Variants in DACH2 observed in about 807,000 individuals in gnomAD.
The protein encoded by DACH2 is dachshund family transcription factor 2.
DACH2 carries 17 observed loss-of-function variants against 35.8 expected under a neutral mutation model. The observed-to-expected ratio is 0.48, with a 90% CI of 0.33 to 0.71. The LOEUF (loss-of-function observed/expected upper bound fraction) is 0.71, where lower values mean the gene tolerates loss of function less well. DACH2 is among the 30% of genes least tolerant of loss of function. The probability of loss-of-function intolerance (pLI) is 0.02; values close to 1 mark genes in which losing one functional copy is unlikely to be tolerated. For missense variants in DACH2, 469 were observed against 472.7 expected, an observed-to-expected ratio of 0.99 and a Z score of 0.07; for synonymous variants, 195 against 177.3, an observed-to-expected ratio of 1.10 and a Z score of -0.79.
chrX:86,714,481 G>T (rs1295069392), intron 5 of DACH2, 67 bp from the exon 6 acceptor site: 1 of 950,880 alleles, frequency 1.1e-6, no homozygotes, highest in African/African-American at 1.9e-5. Flanking sequence ...ATGAATTTAG[G>T]TACTTTTTAA....
At chrX:86,600,238 A>T in intron 3 of DACH2, among the ~76,000 whole-genome samples, 1 of 112,050 alleles carries the variant, frequency 8.9e-6, no homozygotes, top group East Asian at 2.8e-4. Flanking sequence ...TGCTATATGC[A>T]ATTTGGACTA....
intron 7 of DACH2, among the ~76,000 whole-genome samples, chrX:86,788,188 C>G (rs1328714522): frequency 1.8e-5 from 2 of 110,761 alleles, no homozygotes; most frequent in Non-Finnish European, 3.8e-5. Flanking sequence ...AGATCATATA[C>G]CAGTTAAACT....
intron 2 of DACH2, among the ~76,000 whole-genome samples, chrX:86,441,434 C>G (rs369459794): frequency 9.2e-6 from 1 of 108,761 alleles, no homozygotes. Context: ...CATGTTGTTG[C>G]GAATGATGGG....
At chrX:86,451,786 T>C (rs2037382443) in intron 2 of DACH2, among the ~76,000 whole-genome samples, 1 of 111,024 alleles carries the variant, frequency 9.0e-6, no homozygotes, top group South Asian at 3.8e-4. Context: ...GATCATGTCA[T>C]CTGCATACAA....
At chrX:86,225,593 T>A (rs1358098931) in intron 1 of DACH2, among the ~76,000 whole-genome samples, 1 of 110,903 alleles carries the variant, frequency 9.0e-6, no homozygotes, top group African/African-American at 3.3e-5. Flanking sequence ...AAAAAAAAAG[T>A]CTATAGCTAA....
intron 1 of DACH2, among the ~76,000 whole-genome samples, chrX:86,376,593 TGC>T (rs2035971311): frequency 9.0e-6 from 1 of 110,933 alleles, no homozygotes; most frequent in African/African-American, 3.3e-5. Flanking sequence ...ACTATAAATG[TGC>T]TAACATTATT....
At chrX:86,578,567 A>G (rs2039463575) in intron 3 of DACH2, among the ~76,000 whole-genome samples, 1 of 111,718 alleles carries the variant, frequency 9.0e-6, no homozygotes, top group Non-Finnish European at 1.9e-5. Context: ...ATTTAGCTAT[A>G]TGCACTTAAG....
intron 3 of DACH2, among the ~76,000 whole-genome samples, chrX:86,562,264 A>G (rs983966460): frequency 9.0e-6 from 1 of 110,916 alleles, no homozygotes; most frequent in Non-Finnish European, 1.9e-5. Context: ...TTTTGCCAGT[A>G]AAATTTGTTT....
At chrX:86,793,610 C>T (rs1042434286) in intron 7 of DACH2, among the ~76,000 whole-genome samples, 3 of 111,550 alleles carry the variant, frequency 2.7e-5, no homozygotes, top group Admixed American at 9.5e-5. Context: ...CAAATATTTC[C>T]AAATTTCAAT....
At chrX:86,802,528 G>GAAAAA (rs34700295) in intron 7 of DACH2, among the ~76,000 whole-genome samples, 2 of 63,179 alleles carry the variant, frequency 3.2e-5, no homozygotes, top group African/African-American at 5.7e-5. Flanking sequence ...TTTCTTGGTT[G>GAAAAA]AAAAAAAAAA....
At chrX:86,210,077 A>G (rs546155385) in intron 1 of DACH2, among the ~76,000 whole-genome samples, 1 of 111,784 alleles carries the variant, frequency 8.9e-6, no homozygotes, top group African/African-American at 3.2e-5. Flanking sequence ...TGTGATGATA[A>G]TTTGATGTGA....
rs761526341 is a variant in DACH2, at chrX:86,286,348, T to A, written c.489-90476T>A. Among the ~76,000 whole-genome samples the A allele has an allele frequency of 1.5e-3, 160 of 110,050 alleles. 1 individual carries two copies. The highest frequency in any genetic ancestry group is 5.0e-3 in the African/African-American group (151 of 30,256). On this transcript the variant is annotated intron_variant, in intron 1 of 11. Transcript: ENST00000373125. Reference sequence around the variant, plus strand: ...GGTTTCACCTTGTTAGCCAGGTTGGTCTAGATCTCCTGACCTCATGATCCA... The same window carrying A: ...GGTTTCACCTTGTTAGCCAGGTTGGACTAGATCTCCTGACCTCATGATCCA...
At chrX:86,374,068 G>A (rs1377679815) in intron 1 of DACH2, among the ~76,000 whole-genome samples, 1 of 110,529 alleles carries the variant, frequency 9.0e-6, no homozygotes, top group Non-Finnish European at 1.9e-5. Flanking sequence ...GTATTTTATT[G>A]CCTCCTGTCA....
intron 1 of DACH2, among the ~76,000 whole-genome samples, chrX:86,355,969 T>C (rs1177736001): frequency 2.7e-5 from 3 of 111,023 alleles, no homozygotes; most frequent in African/African-American, 6.5e-5. Flanking sequence ...AATTTTTTTT[T>C]CCCATTCTGT....
At chrX:86,323,431 A>G (rs113314190) in intron 1 of DACH2, among the ~76,000 whole-genome samples, 1 of 112,152 alleles carries the variant, frequency 8.9e-6, no homozygotes, top group Non-Finnish European at 1.9e-5. Context: ...AGAAAGTCAC[A>G]AAAACAGCAA....
intron 4 of DACH2, among the ~76,000 whole-genome samples, chrX:86,672,805 C>A (rs1016485380): frequency 1.8e-5 from 2 of 111,706 alleles, no homozygotes; most frequent in African/African-American, 6.5e-5. Context: ...AAAGTCACCA[C>A]TGGGGCACTG....
chrX:86,475,008 TA>T (rs1484840249), intron 2 of DACH2, among the ~76,000 whole-genome samples: 2 of 111,830 alleles, frequency 1.8e-5, no homozygotes, highest in African/African-American at 6.5e-5. Flanking sequence ...TGCTGGGGAT[TA>T]CAGCTGTGAG....
intron 1 of DACH2, among the ~76,000 whole-genome samples, chrX:86,340,431 A>C (rs1035567464): frequency 9.0e-6 from 1 of 111,402 alleles, no homozygotes; most frequent in Non-Finnish European, 1.9e-5. Flanking sequence ...GGCAAACTTA[A>C]TCGCTAAATG....
chrX:86,258,431 G>A (rs757550794), intron 1 of DACH2, among the ~76,000 whole-genome samples: 24 of 111,349 alleles, frequency 2.2e-4, no homozygotes, highest in Admixed American at 1.8e-3. Flanking sequence ...GATTAAATTA[G>A]CTAGGGAAGT....
Sources: gnomAD v4.1 joint callset for allele counts (sites outside exome capture counted in the v4.1 genomes callset) on GRCh38, gnomAD v4.1.1 for gene constraint, MANE v1.5 for transcripts, NCBI Gene and HGNC (gene_info 2026-07-23, HGNC 2026-07-21) for gene names.